The following MSI2 variants were observed in gnomAD, a reference collection of about 807,000 sequenced individuals.
MSI2 encodes the protein musashi RNA binding protein 2.
A neutral mutation model predicts 45.6 loss-of-function variants in MSI2; 17 were observed. That is an observed-to-expected ratio of 0.37 (90% CI 0.26 to 0.56). MSI2 has a LOEUF of 0.56. MSI2 is among the 20% of genes least tolerant of loss of function. The pLI is 0.77. For missense variants in MSI2, 293 were observed against 444.2 expected (o/e 0.66, Z 3.06); for synonymous variants, 156 against 158.2 (o/e 0.99, Z 0.11).
At chr17:57,382,215 A>G (rs1463726389) in intron 5 of MSI2, among the ~76,000 whole-genome samples, 1 of 152,240 alleles carries the variant, frequency 6.6e-6, no homozygotes, top group African/African-American at 2.4e-5. Flanking sequence ...TGGACAAAAC[A>G]GACAAAATTC....
At chr17:57,373,068 G>A (rs530003911) in intron 5 of MSI2, among the ~76,000 whole-genome samples, 1 of 152,084 alleles carries the variant, frequency 6.6e-6, no homozygotes, top group Non-Finnish European at 1.5e-5. Context: ...GGCCAACATA[G>A]TGGTAGAGAC....
chr17:57,440,838 C>A (rs2084786939), intron 6 of MSI2: 2 of 152,162 alleles, frequency 1.3e-5, no homozygotes, highest in Admixed American at 1.3e-4. Flanking sequence ...GTTGGTGTTT[C>A]TGGTATTTTA....
intron 5 of MSI2, chr17:57,264,958 G>C (rs1907644692): frequency 6.6e-6 from 1 of 152,232 alleles, no homozygotes; most frequent in African/African-American, 2.4e-5. Context: ...ACACTGTCTT[G>C]TATCTTTTGA....
chr17:57,593,442 G>A (rs1266351039), intron 7 of MSI2, among the ~76,000 whole-genome samples: 1 of 152,150 alleles, frequency 6.6e-6, no homozygotes, highest in East Asian at 1.9e-4. Context: ...AGGTGTTCCT[G>A]GTTTGTGGCA....
intron 6 of MSI2, among the ~76,000 whole-genome samples, chr17:57,527,522 G>A (rs1053090264): frequency 6.6e-6 from 1 of 152,222 alleles, no homozygotes; most frequent in Admixed American, 6.5e-5. Context: ...ATGGGCATGG[G>A]GATCTCCAAA....
At chr17:57,505,248 C>T (rs1018064282) in intron 6 of MSI2, among the ~76,000 whole-genome samples, 3 of 152,124 alleles carry the variant, frequency 2.0e-5, no homozygotes, top group African/African-American at 7.2e-5. Flanking sequence ...CTTCTTGCCA[C>T]CTTCTTGCAT....
intron 6 of MSI2, among the ~76,000 whole-genome samples, chr17:57,437,864 C>T (rs1372064240): frequency 2.0e-5 from 3 of 151,976 alleles, no homozygotes; most frequent in Admixed American, 6.6e-5. Context: ...GTGCTTAATA[C>T]CATGGAGAAG....
intron 5 of MSI2, among the ~76,000 whole-genome samples, chr17:57,316,161 AAGG>A (rs1912833286): frequency 6.6e-6 from 1 of 152,090 alleles, no homozygotes; most frequent in Non-Finnish European, 1.5e-5. Flanking sequence ...CCATAGCATG[AAGG>A]AGAAGGGAAA....
At chr17:57,316,041 C>T (rs1391363814) in intron 5 of MSI2, among the ~76,000 whole-genome samples, 2 of 151,926 alleles carry the variant, frequency 1.3e-5, no homozygotes, top group African/African-American at 4.8e-5. Context: ...GAGGTCCCAC[C>T]GAGAGAATAG....
intron 9 of MSI2, among the ~76,000 whole-genome samples, chr17:57,622,634 A>T (rs944241507): frequency 6.6e-6 from 1 of 151,014 alleles, no homozygotes; most frequent in Admixed American, 6.6e-5. Context: ...CCCTGACATT[A>T]AGCCCCCTGA....
intron 5 of MSI2, among the ~76,000 whole-genome samples, chr17:57,374,354 C>T (rs2083462854): frequency 6.6e-6 from 1 of 152,148 alleles, no homozygotes; most frequent in Non-Finnish European, 1.5e-5. Flanking sequence ...CCTTTCTAGC[C>T]CTTGAACTTG....
chr17:57,668,158 C>T (rs929416609), intron 11 of MSI2, among the ~76,000 whole-genome samples: 6 of 152,108 alleles, frequency 3.9e-5, no homozygotes, highest in Admixed American at 2.0e-4. Flanking sequence ...GAGATTACAC[C>T]ACTGCACTGT....
chr17:57,321,166 C>G (rs558031361), intron 5 of MSI2, among the ~76,000 whole-genome samples: 1 of 151,962 alleles, frequency 6.6e-6, no homozygotes, highest in Non-Finnish European at 1.5e-5. Flanking sequence ...ACCCTCCAAA[C>G]GTGGCTCAGC....
At chr17:57,398,190 A>G (rs1310009673) in intron 5 of MSI2, among the ~76,000 whole-genome samples, 2 of 152,166 alleles carry the variant, frequency 1.3e-5, no homozygotes, top group African/African-American at 4.8e-5. Flanking sequence ...ATTTGGAATG[A>G]AGACATGTTG....
At chr17:57,502,626 T>TAA (rs1445961146) in intron 6 of MSI2, among the ~76,000 whole-genome samples, 2 of 126,264 alleles carry the variant, frequency 1.6e-5, no homozygotes, top group African/African-American at 5.8e-5. Flanking sequence ...TATATATATA[T>TAA]ATATATATAT....
intron 11 of MSI2, among the ~76,000 whole-genome samples, chr17:57,660,371 C>T (rs1435632489): frequency 6.6e-6 from 1 of 152,174 alleles, no homozygotes; most frequent in Non-Finnish European, 1.5e-5. Flanking sequence ...CCGAATGGCT[C>T]TTTACACGGT....
chr17:57,577,603 C>T (rs1442217411), intron 7 of MSI2, among the ~76,000 whole-genome samples: 1 of 152,140 alleles, frequency 6.6e-6, no homozygotes, highest in African/African-American at 2.4e-5. Context: ...AAGAAAATTC[C>T]AAACCCTTTG....
intron 7 of MSI2, among the ~76,000 whole-genome samples, chr17:57,534,647 G>A (rs1263763090): frequency 2.0e-5 from 3 of 152,136 alleles, no homozygotes; most frequent in Non-Finnish European, 4.4e-5. Flanking sequence ...CCCAGGAGGC[G>A]GAGGTTGCAG....
intron 6 of MSI2, among the ~76,000 whole-genome samples, chr17:57,431,393 G>A (rs1888688353): frequency 6.6e-6 from 1 of 152,212 alleles, no homozygotes; most frequent in Non-Finnish European, 1.5e-5. Context: ...ATGGGTCGCA[G>A]GTGAAATGAG....
Sources: allele counts gnomAD v4.1 joint callset (sites outside exome capture counted in the v4.1 genomes callset), GRCh38; gene constraint gnomAD v4.1.1; transcripts MANE v1.5; gene names NCBI Gene and HGNC (gene_info 2026-07-23, HGNC 2026-07-21).